CEP164: variants seen among roughly 807,000 people sequenced by gnomAD.
CEP164 encodes the protein centrosomal protein of 164 kDa.
In CEP164, 162 loss-of-function variants were observed where a neutral mutation model predicts 182.7. That is an observed-to-expected ratio of 0.89 (90% CI 0.78 to 1.01). The LOEUF (loss-of-function observed/expected upper bound fraction) is 1.01, where lower values mean the gene tolerates loss of function less well. CEP164 is among the 50% of genes least tolerant of loss of function. CEP164 has a pLI of 0.00. For synonymous variants in CEP164, 661 were observed against 690.0 expected (o/e 0.96, Z 0.66); for missense variants, 1,735 against 1,790.4 (o/e 0.97, Z 0.56).
rs2041032743 is a variant in CEP164, at chr11:117,361,945, C to T, written c.504C>T (p.Ser168=). The T allele has an allele frequency of 6.2e-7, 1 of 1,606,052 alleles. No homozygotes were observed. The highest frequency in any genetic ancestry group is 1.3e-5 in the African/African-American group (1 of 74,258). ...CTCTTCGTGGATCTCAAAGCGTGAG[C>T]CTGGGGAGCTCAGTGGAGTCTGGAC... ...PSALRGSQSV[S]LGSSVESGRQ... Residue 168 remains serine (S), a synonymous_variant, in exon 6 of 33, where the codon AGC becomes AGT. Coordinates refer to ENST00000278935, the MANE Select transcript of CEP164 (RefSeq NM_014956.5).
chr11:117,354,458 C>G (rs2040071190), intron 5 of CEP164, among the ~76,000 whole-genome samples: 1 of 152,072 alleles, frequency 6.6e-6, no homozygotes, highest in African/African-American at 2.4e-5. Context: ...TATAGAGGTC[C>G]AGCTTATAAA....
chr11:117,338,069 G>C (rs1421090617), intron 2 of CEP164, among the ~76,000 whole-genome samples: 1 of 151,692 alleles, frequency 6.6e-6, no homozygotes, highest in Non-Finnish European at 1.5e-5. Context: ...TTTCCCTTCT[G>C]CCTTCTGCTG....
At chr11:117,374,985 A>C (rs1407741629) in intron 10 of CEP164, among the ~76,000 whole-genome samples, 2 of 152,238 alleles carry the variant, frequency 1.3e-5, no homozygotes, top group African/African-American at 4.8e-5. Flanking sequence ...AAGGACAGCA[A>C]CAAACTGGCA....
rs150754656 is a variant in CEP164 at position 117,322,648 on chromosome 11, C to T, written c.-98+7920C>T. Among the ~76,000 whole-genome samples the T allele has an allele frequency of 7.4e-3, 1,120 of 151,768 alleles. 23 individuals carry two copies. Among genetic ancestry groups the T allele is most frequent in the African/African-American group, 0.025 (1,038 of 41,362 alleles). On this transcript the variant is annotated intron_variant, in intron 1 of 4. Coordinates refer to the CEP164 transcript ENST00000525734. ...TTGGCTCACTGAAACCTCTGCCTCC[C>T]GGGTGCAAGTGATTCTCCTGCTTCA...
chr11:117,344,371 A>G, intron 4 of CEP164, 94 bp downstream of exon 4: 4 of 797,740 alleles, frequency 5.0e-6, no homozygotes, highest in East Asian at 2.7e-5. Context: ...AGCTTTTCCA[A>G]GCCTATCCTG....
chr11:117,348,756 C>T (rs112513073), intron 4 of CEP164, among the ~76,000 whole-genome samples: 5 of 152,184 alleles, frequency 3.3e-5, no homozygotes, highest in African/African-American at 1.2e-4. Flanking sequence ...TTTTCATCCC[C>T]AAACTGAAAC....
intron 4 of CEP164, among the ~76,000 whole-genome samples, chr11:117,347,973 GT>G (rs1434107537): frequency 6.6e-6 from 1 of 151,862 alleles, no homozygotes; most frequent in Non-Finnish European, 1.5e-5. Flanking sequence ...TGTTGTTGTT[GT>G]TGTTGTTGTT....
At chr11:117,372,633 T>G (rs1348711719) in intron 9 of CEP164, among the ~76,000 whole-genome samples, 1 of 152,070 alleles carries the variant, frequency 6.6e-6, no homozygotes, top group African/African-American at 2.4e-5. Context: ...GTCAGGCTGG[T>G]CTTGAACTCC....
chr11:117,373,096 C>T (rs1350541717), intron 9 of CEP164, among the ~76,000 whole-genome samples: 4 of 152,080 alleles, frequency 2.6e-5, no homozygotes, highest in South Asian at 2.1e-4. Flanking sequence ...CGGCCGGGCA[C>T]GGTGGCTCAT....
intron 8 of CEP164, among the ~76,000 whole-genome samples, chr11:117,364,305 A>G (rs1405249772): frequency 6.6e-6 from 1 of 152,260 alleles, no homozygotes; most frequent in Non-Finnish European, 1.5e-5. Context: ...ATACCTTAAC[A>G]TCAAACAAGT....
At chr11:117,407,865 G>T (rs2046889125) in intron 27 of CEP164, 60 bp from the exon 28 acceptor site, 4 of 1,279,602 alleles carry the variant, frequency 3.1e-6, no homozygotes, top group Non-Finnish European at 4.4e-6. Flanking sequence ...AAATGGCAGG[G>T]TTGGGACTCC....
chr11:117,412,197 A>T lies in CEP164; in HGVS notation c.*29A>T, dbSNP rs1481237711. ...CCTGAGCAGGGGCTTGGGGCAGCCC[A>T]GCCTCTCCTCCACCCAGACCAAGTG... On this transcript the variant is annotated 3_prime_UTR_variant, in exon 33 of 33. Coordinates refer to ENST00000278935, the MANE Select transcript of CEP164 (RefSeq NM_014956.5). The T allele has an allele frequency of 6.3e-7, 1 of 1,597,848 alleles. No homozygotes were observed. The highest frequency in any genetic ancestry group is 1.1e-5 in the South Asian group (1 of 90,178).
In CEP164 at chr11:117,412,145, A is replaced by G; in HGVS notation, c.4360A>G (p.Arg1454Gly). Residue 1454 changes from arginine (R) to glycine (G), a missense_variant, in exon 33 of 33, where the codon AGA becomes GGA. Arg to Gly is a moderately radical substitution (Grantham distance 125, BLOSUM62 -2). Coordinates refer to ENST00000278935, the MANE Select transcript of CEP164 (RefSeq NM_014956.5). Reference sequence around the variant, plus strand: ...GCAGCTGGGCCTTGATGAGCACAACAGAGTGAAGGTGTATCGCTTCTGAGG... The same window carrying G: ...GCAGCTGGGCCTTGATGAGCACAACGGAGTGAAGGTGTATCGCTTCTGAGG... ...LLQLGLDEHN[R>G]VKVYRF 1 of 1,614,130 alleles carries G rather than the reference A, an allele frequency of 6.2e-7. No homozygotes were observed. The highest frequency in any genetic ancestry group is 8.5e-7 in the Non-Finnish European group (1 of 1,179,994).
At chr11:117,410,766 G>T in intron 30 of CEP164, 62 bp from the exon 31 acceptor site, 12 of 1,414,556 alleles carry the variant, frequency 8.5e-6, no homozygotes, top group Non-Finnish European at 1.1e-5. Context: ...GAGGCAAGAG[G>T]TGCTGGTGGG....
chr11:117,350,726 A>G (rs1360122107), intron 4 of CEP164, among the ~76,000 whole-genome samples: 1 of 152,096 alleles, frequency 6.6e-6, no homozygotes, highest in Non-Finnish European at 1.5e-5. Context: ...TGGCATCTTT[A>G]CAGACTTGAG....
rs2045215163 is a variant in CEP164, at chr11:117,394,781, G to A, written c.2761-139G>A. ...ACAAGGTGTGGAGCCTTCCTGGGAG[G>A]CTGCAGGGGCACACAGCGAGGAAGC... On this transcript the variant is annotated intron_variant, in intron 21 of 32. Coordinates refer to ENST00000278935, the MANE Select transcript of CEP164 (RefSeq NM_014956.5). This position sits in a 1 kb window ranked among gnomAD's most constrained non-coding sequence, Gnocchi z 4.0. 1.0e-6 allele frequency: 1 copy of A among 959,874 alleles called. No individual in the cohort carries two copies. The allele number at this position is 959,874 out of a possible 1,614,324, so 59.5% of individuals were successfully genotyped here. A position where few individuals can be genotyped will look rare whatever the true frequency, so the allele number is the denominator to read the frequency against.
Position 117,358,221 on chromosome 11 carries a change from C to A in CEP164, c.394-3614C>A, listed in dbSNP as rs578173671. 3.0e-4 allele frequency among the ~76,000 whole-genome samples: 45 copies of A among 152,230 alleles called. 3 individuals are homozygous for A. The highest frequency in any genetic ancestry group is 1.1e-3 in the African/African-American group (45 of 41,528). On this transcript the variant is annotated intron_variant, in intron 5 of 32. Transcript: ENST00000278935. Reference sequence around the variant, plus strand: ...TCTGAAGGACAACTCCACGCATAGCCCCATACTCAGAGTTAATGGCCATCT... The same window carrying A: ...TCTGAAGGACAACTCCACGCATAGCACCATACTCAGAGTTAATGGCCATCT...
Position 117,411,448 on chromosome 11 carries a change from C to A in CEP164, c.4164-347C>A. On this transcript the variant is annotated intron_variant, in intron 31 of 32. Coordinates refer to ENST00000278935, the MANE Select transcript of CEP164 (RefSeq NM_014956.5). The surrounding 1 kb of genome is among the most constrained non-coding windows in gnomAD (Gnocchi z 4.4). ...CTTAGGCAGCTAACAGTGAGTACCC[C>A]CCACTAACCCTTTGGCCAACTTGAG... is the stretch of plus-strand genomic sequence containing the variant. 1 of 302,226 alleles carries A rather than the reference C, an allele frequency of 3.3e-6. No homozygotes were observed. The highest frequency in any genetic ancestry group is 6.3e-6 in the Non-Finnish European group (1 of 159,106). 18.7% of individuals were successfully genotyped at this position (302,226 alleles called of 1,614,324 possible). A position where few individuals can be genotyped will look rare whatever the true frequency, so the allele number is the denominator to read the frequency against.
chr11:117,333,640 C>A (rs150824490), intron 1 of CEP164, among the ~76,000 whole-genome samples: 551 of 152,130 alleles, frequency 3.6e-3, no homozygotes, highest in African/African-American at 0.013. Flanking sequence ...GTGATCCTCC[C>A]GCCTCAGTCT....
Sources: gnomAD v4.1 joint callset for allele counts (sites outside exome capture counted in the v4.1 genomes callset) on GRCh38, gnomAD v4.1.1 for gene constraint, Gnocchi (gnomAD v3.1) non-coding constraint, MANE v1.5 for transcripts, NCBI Gene and HGNC (gene_info 2026-07-23, HGNC 2026-07-21) for gene names.